PHKA2: variants seen among roughly 807,000 people sequenced by gnomAD.
PHKA2 encodes the protein phosphorylase b kinase regulatory subunit alpha, liver isoform.
A neutral mutation model predicts 102.0 loss-of-function variants in PHKA2; 31 were observed. That is an observed-to-expected ratio of 0.30 (90% CI 0.23 to 0.41). The LOEUF (loss-of-function observed/expected upper bound fraction) is 0.41, where lower values mean the gene tolerates loss of function less well. PHKA2 is among the 10% of genes least tolerant of loss of function. The probability of loss-of-function intolerance (pLI) is 1.00; values close to 1 mark genes in which losing one functional copy is unlikely to be tolerated. For synonymous variants in PHKA2, 455 were observed against 416.2 expected (o/e 1.09, Z -1.13); for missense variants, 858 against 1,023.1 (o/e 0.84, Z 2.20).
At chrX:18,916,808 A>T (rs1343133727) in intron 19 of PHKA2, among the ~76,000 whole-genome samples, 1 of 110,131 alleles carries the variant, frequency 9.1e-6, no homozygotes, top group African/African-American at 3.3e-5. Flanking sequence ...AGCCAATTAG[A>T]CCTCTTTTCT....
chrX:18,926,627 CTT>C, intron 13 of PHKA2, 40 bp from the exon 14 acceptor site: 1 of 1,176,511 alleles, frequency 8.5e-7, no homozygotes, highest in East Asian at 3.0e-5. Flanking sequence ...GCTCATGACT[CTT>C]GTCTCTTCAC....
At chrX:18,920,000 C>G in intron 18 of PHKA2, 32 bp downstream of exon 18, 1 of 1,128,197 alleles carries the variant, frequency 8.9e-7, no homozygotes, top group South Asian at 1.8e-5. Flanking sequence ...ATAAATTCAG[C>G]GAACTACCCA....
chrX:18,952,987 C>T (rs2048722422), intron 2 of PHKA2, among the ~76,000 whole-genome samples: 1 of 112,399 alleles, frequency 8.9e-6, no homozygotes, highest in African/African-American at 3.2e-5. Flanking sequence ...ATGCAAGTGA[C>T]AGCCAAGGTT....
intron 5 of PHKA2, among the ~76,000 whole-genome samples, chrX:18,945,927 CT>C (rs947320262): frequency 5.5e-5 from 6 of 109,869 alleles, no homozygotes; most frequent in East Asian, 2.8e-4. Flanking sequence ...TTCTTTTTTT[CT>C]TTTTTTTTAT....
intron 1 of PHKA2, among the ~76,000 whole-genome samples, chrX:18,959,701 TCCACTCTC>T (rs1366555205): frequency 7.2e-5 from 8 of 111,288 alleles, no homozygotes; most frequent in Non-Finnish European, 1.5e-4. Flanking sequence ...TGTAATAATA[TCCACTCTC>T]CCACTCTCCC....
chrX:18,957,931 C>T (rs2048808640), intron 1 of PHKA2, among the ~76,000 whole-genome samples: 1 of 109,517 alleles, frequency 9.1e-6, no homozygotes, highest in Non-Finnish European at 1.9e-5. Context: ...GTGATCTCGA[C>T]TCACTGCAAC....
chrX:18,897,068 A>T lies in PHKA2; in HGVS notation c.3282+95T>A. ...GCGCTGAGGCAGAGAAGCCATCCTC[A>T]GGGCTGTGTGTTTGCTCGCCTGGAG... On this transcript the variant is annotated intron_variant, in intron 30 of 32. Coordinates refer to ENST00000379942, the MANE Select transcript of PHKA2 (RefSeq NM_000292.3). The T allele has an allele frequency of 1.3e-5, 13 of 998,638 alleles. No individual in the cohort carries two copies. The South Asian group carries it at 2.5e-4, about 19-fold the overall frequency. The allele number at this position is 998,638 out of a possible 1,213,427, so 82.3% of individuals were successfully genotyped here.
chrX:18,952,622 A>G, intron 2 of PHKA2, 81 bp from the exon 3 acceptor site: 1 of 967,788 alleles, frequency 1.0e-6, no homozygotes, highest in South Asian at 2.0e-5. Context: ...TGTGGCTGGC[A>G]AGCCAGTGCT....
At chrX:18,954,214 G>A (rs371899472) in intron 2 of PHKA2, 40 bp downstream of exon 2, 2 of 1,196,725 alleles carry the variant, frequency 1.7e-6, no homozygotes, top group African/African-American at 1.8e-5. Flanking sequence ...CAAGGAGAAG[G>A]TGGCTGAGCA....
At chrX:18,973,413 T>C (rs1447937357) in intron 1 of PHKA2, among the ~76,000 whole-genome samples, 2 of 110,358 alleles carry the variant, frequency 1.8e-5, no homozygotes, top group Non-Finnish European at 3.8e-5. Context: ...GTGGTAAAAA[T>C]AGATTAATAG....
chrX:18,945,027 A>T, intron 6 of PHKA2, 51 bp downstream of exon 6: 1 of 804,095 alleles, frequency 1.2e-6, no homozygotes, highest in Non-Finnish European at 1.9e-6. Flanking sequence ...AGGGAACCAA[A>T]TCAAAGCAGT....
At chrX:18,926,390 C>G in intron 14 of PHKA2, 63 bp downstream of exon 14, 1 of 942,489 alleles carries the variant, frequency 1.1e-6, no homozygotes, top group Non-Finnish European at 1.5e-6. Flanking sequence ...CTCCCTCAGA[C>G]CCCAAATCTA....
At chrX:18,968,210 T>C (rs1045977493) in intron 1 of PHKA2, among the ~76,000 whole-genome samples, 2 of 111,202 alleles carry the variant, frequency 1.8e-5, no homozygotes, top group African/African-American at 3.3e-5. Flanking sequence ...CTTGGCAAAA[T>C]AGCGAGACCT....
chrX:18,916,276 G>A (rs1290406357), intron 19 of PHKA2, among the ~76,000 whole-genome samples: 6 of 111,358 alleles, frequency 5.4e-5, no homozygotes, highest in Admixed American at 1.9e-4. Flanking sequence ...TTAGCCGGAT[G>A]TGATGGTGGG....
At position 18,894,203 on chromosome X, in the gene PHKA2, C is replaced by T. The variant is rs759508576; in HGVS notation, c.3537+1G>A. Reference sequence around the variant, plus strand: ...CCAACCCAGCTCCCTGGCACCCCCACCTGGTCCTGCAAGAACAGCTGACTG... The same window carrying T: ...CCAACCCAGCTCCCTGGCACCCCCATCTGGTCCTGCAAGAACAGCTGACTG... On this transcript the variant is annotated splice_donor_variant, in intron 32 of 32. Coordinates refer to ENST00000379942, the MANE Select transcript of PHKA2 (RefSeq NM_000292.3). LOFTEE classifies it high-confidence loss of function. The T allele has an allele frequency of 8.3e-7, 1 of 1,209,245 alleles. No individual in the cohort carries two copies. The highest frequency in any genetic ancestry group is 3.0e-5 in the East Asian group (1 of 33,835).
At chrX:18,974,125 G>C (rs780411855) in intron 1 of PHKA2, among the ~76,000 whole-genome samples, 1 of 109,691 alleles carries the variant, frequency 9.1e-6, no homozygotes, top group Non-Finnish European at 1.9e-5. Context: ...TCTCATGCAC[G>C]CCAAGACTTT....
chrX:18,918,176 A>T (rs1257451120), intron 19 of PHKA2, among the ~76,000 whole-genome samples: 2 of 111,890 alleles, frequency 1.8e-5, no homozygotes, highest in Non-Finnish European at 3.8e-5. Flanking sequence ...GGAAATTTGT[A>T]TTGCGAGGCC....
chrX:18,983,921 C>T lies in PHKA2; in HGVS notation c.12G>A (p.Arg4=), dbSNP rs769266127. MRS[R]SNSGVRLDGY... Reference sequence around the variant, plus strand: ...CGTCCAAGCGGACCCCGGAATTGCTCCTGCTCCGCATCTCCCCGAGGCTCC... The same window carrying T: ...CGTCCAAGCGGACCCCGGAATTGCTTCTGCTCCGCATCTCCCCGAGGCTCC... Residue 4 remains arginine (R), a synonymous_variant, in exon 1 of 33, where the codon AGG becomes AGA. Transcript: ENST00000379942. 1 of 1,210,975 alleles carries T rather than the reference C, an allele frequency of 8.3e-7. No homozygotes were observed. The highest frequency in any genetic ancestry group is 1.1e-6 in the Non-Finnish European group (1 of 894,309).
intron 8 of PHKA2, among the ~76,000 whole-genome samples, chrX:18,940,643 C>T (rs772371372): frequency 5.4e-5 from 6 of 111,941 alleles, no homozygotes; most frequent in African/African-American, 1.9e-4. Flanking sequence ...CTTAATCTGA[C>T]GCCCTTAATC....
Sources: allele counts gnomAD v4.1 joint callset (sites outside exome capture counted in the v4.1 genomes callset), GRCh38; gene constraint gnomAD v4.1.1; transcripts MANE v1.5; gene names NCBI Gene and HGNC (gene_info 2026-07-23, HGNC 2026-07-21).